The following LARP6 variants were observed in gnomAD, a reference collection of about 807,000 sequenced individuals.
The protein encoded by LARP6 is la-related protein 6.
LARP6 carries 18 observed loss-of-function variants against 32.8 expected under a neutral mutation model. The ratio of observed to expected loss-of-function variants is 0.55; its 90% CI spans 0.38 to 0.81. LARP6 has a LOEUF of 0.81. Ranked by LOEUF, LARP6 falls within the 40% of genes least tolerant of loss-of-function variation. The pLI is 0.00. For missense variants in LARP6, 598 were observed against 663.1 expected, an observed-to-expected ratio of 0.90 and a Z score of 1.08; for synonymous variants, 289 against 267.2, an observed-to-expected ratio of 1.08 and a Z score of -0.80.
At chr15:70,838,644 G>C (rs1035582374) in intron 1 of LARP6, among the ~76,000 whole-genome samples, 2 of 152,134 alleles carry the variant, frequency 1.3e-5, no homozygotes, top group Non-Finnish European at 2.9e-5. Flanking sequence ...CCTGGACAGA[G>C]CTTCCTTAGG....
chr15:70,836,824 G>A (rs377559937), intron 1 of LARP6, among the ~76,000 whole-genome samples: 114 of 152,252 alleles, frequency 7.5e-4, no homozygotes, highest in African/African-American at 2.6e-3. Flanking sequence ...CACCAGAAGC[G>A]AGGAAAGATG....
intron 1 of LARP6, among the ~76,000 whole-genome samples, chr15:70,846,092 T>C (rs575035959): frequency 6.6e-6 from 1 of 152,328 alleles, no homozygotes; most frequent in South Asian, 2.1e-4. Flanking sequence ...TTTTTACTCC[T>C]GCATCTTTGG....
chr15:70,843,014 T>A (rs1007088470), intron 1 of LARP6, among the ~76,000 whole-genome samples: 1 of 152,188 alleles, frequency 6.6e-6, no homozygotes, highest in Non-Finnish European at 1.5e-5. Flanking sequence ...TTTATGAATA[T>A]TAATTTTATA....
intron 1 of LARP6, among the ~76,000 whole-genome samples, chr15:70,839,707 C>T (rs1031339245): frequency 5.3e-5 from 8 of 152,182 alleles, no homozygotes; most frequent in Non-Finnish European, 1.0e-4. Flanking sequence ...CTCAGCCTCC[C>T]GAGTAGATGG....
chr15:70,853,871 G>A lies in LARP6; in HGVS notation c.200+18C>T, dbSNP rs2032563821. ...CGCCCCCTCGGGGCCCACCTCCCGG[G>A]CCAGCCGCCGCGCCTACCTGTGCCC... On this transcript the variant is annotated intron_variant, in intron 1 of 2. Coordinates refer to ENST00000299213, the MANE Select transcript of LARP6 (RefSeq NM_018357.4). 7 of 1,260,498 alleles carry A rather than the reference G, an allele frequency of 5.6e-6. No individual in the cohort carries two copies. Among genetic ancestry groups the A allele is most frequent in the South Asian group, 5.6e-5 (2 of 35,662 alleles). 78.1% of individuals were successfully genotyped at this position (1,260,498 alleles called of 1,614,324 possible).
At chr15:70,851,678 G>T in intron 1 of LARP6, 1 of 1,614,118 alleles carries the variant, frequency 6.2e-7, no homozygotes, top group South Asian at 1.1e-5. Context: ...AAGATACAAT[G>T]AACGAAGCAA....
intron 1 of LARP6, among the ~76,000 whole-genome samples, chr15:70,838,832 T>G (rs1400559153): frequency 4.0e-4 from 60 of 151,402 alleles, no homozygotes; most frequent in Admixed American, 4.0e-3. Flanking sequence ...TAACAAGGCC[T>G]ATTACTGTGA....
At position 70,853,955 on chromosome 15, in the gene LARP6, TC is replaced by T; in HGVS notation, c.133del (p.Asp45ThrfsTer48). 1.6e-5 allele frequency: 23 copies of T among 1,449,674 alleles called. No homozygotes were observed. Among genetic ancestry groups the T allele is most frequent in the South Asian group, 5.4e-5 (4 of 74,120 alleles). The allele number at this position is 1,449,674 out of a possible 1,614,324, so 89.8% of individuals were successfully genotyped here. On this transcript the variant is annotated frameshift_variant, in exon 1 of 3. Coordinates refer to ENST00000299213, the MANE Select transcript of LARP6 (RefSeq NM_018357.4). LOFTEE classifies it high-confidence loss of function. ...GCCGGGGCTGAGGTACCGGGCCGGG[TC>T]CCCGGCGCCCCGAGTCTCCGCCCCC... Reference protein sequence around the residue: ...EEGAETRGAGDPARYLSPGWG... With the variant: ...EEGAETRGAGXPARYLSPGWG...
At chr15:70,839,622 G>A (rs919374546) in intron 1 of LARP6, among the ~76,000 whole-genome samples, 9 of 151,502 alleles carry the variant, frequency 5.9e-5, no homozygotes, top group Non-Finnish European at 1.3e-4. Context: ...TCGCTCTGTC[G>A]CCCAGGCTGG....
chr15:70,848,770 A>G (rs1427518353), intron 1 of LARP6: 1 of 152,178 alleles, frequency 6.6e-6, no homozygotes, highest in Admixed American at 6.5e-5. Context: ...CACCATCCAA[A>G]GCAGGGAAAA....
chr15:70,853,657 C>G (rs2032552527), intron 1 of LARP6: 2 of 327,458 alleles, frequency 6.1e-6, no homozygotes, highest in Non-Finnish European at 1.1e-5. Context: ...CCTCAGATCC[C>G]GGCCGCCAGC....
At chr15:70,851,677 T>C (rs780416980) in intron 1 of LARP6, 7 of 1,614,146 alleles carry the variant, frequency 4.3e-6, no homozygotes, top group Non-Finnish European at 5.9e-6. Context: ...GAAGATACAA[T>C]GAACGAAGCA....
chr15:70,849,625 A>G (rs2032413018), intron 1 of LARP6: 1 of 152,216 alleles, frequency 6.6e-6, no homozygotes, highest in Admixed American at 6.5e-5. Context: ...TTAAAGACTA[A>G]TGGGCATGTT....
At chr15:70,849,380 CA>C (rs2032406621) in intron 1 of LARP6, 1 of 156,650 alleles carries the variant, frequency 6.4e-6, no homozygotes, top group Non-Finnish European at 1.4e-5. Flanking sequence ...AACAAACAAA[CA>C]AACAAACAAA....
At chr15:70,851,737 A>G (rs763655000) in intron 1 of LARP6, 3 of 1,613,942 alleles carry the variant, frequency 1.9e-6, no homozygotes, top group Non-Finnish European at 8.5e-7. Context: ...GGGAGACACA[A>G]TGATAGAATC....
At chr15:70,850,921 GA>G (rs977375857) in intron 1 of LARP6, among the ~76,000 whole-genome samples, 3 of 151,818 alleles carry the variant, frequency 2.0e-5, no homozygotes, top group East Asian at 1.9e-4. Context: ...AAGCATTAGG[GA>G]AAAAAAATGG....
chr15:70,845,476 C>T (rs981213512), intron 1 of LARP6, among the ~76,000 whole-genome samples: 7 of 152,312 alleles, frequency 4.6e-5, no homozygotes, highest in African/African-American at 1.7e-4. Flanking sequence ...GGTAAATTTC[C>T]ATTCTCAGCA....
chr15:70,853,630 A>T (rs995530583), intron 1 of LARP6: 2 of 301,576 alleles, frequency 6.6e-6, no homozygotes, highest in African/African-American at 4.4e-5. Context: ...ATCCCTGAAC[A>T]TCCCCACGTC....
chr15:70,834,866 TG>T (rs996866965), intron 2 of LARP6, among the ~76,000 whole-genome samples: 11 of 152,260 alleles, frequency 7.2e-5, no homozygotes, highest in Admixed American at 2.0e-4. Flanking sequence ...GTTCCCCTTT[TG>T]TGATTAATAG....
Sources: allele counts gnomAD v4.1 joint callset (sites outside exome capture counted in the v4.1 genomes callset), GRCh38; gene constraint gnomAD v4.1.1; transcripts MANE v1.5; gene names NCBI Gene and HGNC (gene_info 2026-07-23, HGNC 2026-07-21).